Variants in KLF12 observed in about 807,000 individuals in gnomAD.
KLF12 encodes the protein KLF transcription factor 12.
KLF12 carries 9 observed loss-of-function variants against 37.8 expected under a neutral mutation model. The ratio of observed to expected loss-of-function variants is 0.24; its 90% CI spans 0.14 to 0.42. The LOEUF (loss-of-function observed/expected upper bound fraction) is 0.42, where lower values mean the gene tolerates loss of function less well. Ranked by LOEUF, KLF12 falls within the 10% of genes least tolerant of loss-of-function variation. The pLI, the probability that KLF12 is intolerant of heterozygous loss-of-function variation, is 1.00. For synonymous variants in KLF12, 208 were observed against 202.1 expected (o/e 1.03, Z -0.25); for missense variants, 411 against 516.0 (o/e 0.80, Z 1.97).
At chr13:73,797,336 C>G (rs1434952638) in intron 5 of KLF12, among the ~76,000 whole-genome samples, 1 of 152,164 alleles carries the variant, frequency 6.6e-6, no homozygotes, top group East Asian at 1.9e-4. Context: ...CTACATTATT[C>G]AGTTCAAAGG....
intron 2 of KLF12, among the ~76,000 whole-genome samples, chr13:73,965,454 A>G (rs1327330805): frequency 6.6e-6 from 1 of 152,024 alleles, no homozygotes; most frequent in Admixed American, 6.6e-5. Context: ...GCCTCTAATT[A>G]CCTCTGTACA....
At chr13:73,889,202 T>C (rs910183884) in intron 3 of KLF12, among the ~76,000 whole-genome samples, 4 of 152,196 alleles carry the variant, frequency 2.6e-5, no homozygotes, top group Non-Finnish European at 4.4e-5. Context: ...AAGATATATG[T>C]ACATATAAGA....
chr13:73,886,734 G>A (rs555140459), intron 3 of KLF12, among the ~76,000 whole-genome samples: 2 of 152,324 alleles, frequency 1.3e-5, no homozygotes, highest in East Asian at 3.9e-4. Flanking sequence ...GCTCACGCCT[G>A]TAATCCCAGC....
the KLF12 span, among the ~76,000 whole-genome samples, chr13:74,206,528 T>C: frequency 2.6e-5 from 4 of 152,324 alleles, no homozygotes; most frequent in South Asian, 2.1e-4. Context: ...ATTCTCTTTG[T>C]GTTCCCATCC....
intron 3 of KLF12, among the ~76,000 whole-genome samples, chr13:73,931,770 G>A (rs950355606): frequency 6.6e-6 from 1 of 151,156 alleles, no homozygotes; most frequent in African/African-American, 2.4e-5. Context: ...AGAACCAACA[G>A]CCCCTGCACT....
intron 6 of KLF12, among the ~76,000 whole-genome samples, chr13:73,733,369 T>C (rs1031452900): frequency 3.3e-5 from 5 of 152,194 alleles, no homozygotes; most frequent in African/African-American, 1.2e-4. Context: ...TGAATTTGCC[T>C]ACTTTAGGTG....
chr13:73,864,495 C>T (rs924310393), intron 3 of KLF12, among the ~76,000 whole-genome samples: 3 of 152,022 alleles, frequency 2.0e-5, no homozygotes, highest in Non-Finnish European at 4.4e-5. Context: ...ACAATTATAT[C>T]AGATTGTAAA....
chr13:73,977,216 T>C (rs1037395566), intron 2 of KLF12, among the ~76,000 whole-genome samples: 1 of 152,080 alleles, frequency 6.6e-6, no homozygotes, highest in African/African-American at 2.4e-5. Context: ...CTAGCTTTTG[T>C]ATTTTTTTTG....
intron 2 of KLF12, among the ~76,000 whole-genome samples, chr13:73,963,701 T>A (rs1891092659): frequency 1.3e-5 from 2 of 152,236 alleles, no homozygotes; most frequent in South Asian, 4.1e-4. Context: ...GATAAATCTT[T>A]CATTTTCAAT....
intron 3 of KLF12, among the ~76,000 whole-genome samples, chr13:73,869,416 G>T (rs1040647375): frequency 1.3e-5 from 2 of 152,052 alleles, no homozygotes; most frequent in African/African-American, 2.4e-5. Context: ...AAGTTTATAT[G>T]ATTGTTAGTA....
At chr13:73,986,727 G>C (rs1371291287) in intron 2 of KLF12, among the ~76,000 whole-genome samples, 1 of 152,120 alleles carries the variant, frequency 6.6e-6, no homozygotes, top group African/African-American at 2.4e-5. Context: ...AGGTAGAAGG[G>C]GAGAACCAGA....
intron 1 of KLF12, among the ~76,000 whole-genome samples, chr13:74,038,065 G>C (rs1893304716): frequency 6.6e-6 from 1 of 152,188 alleles, no homozygotes; most frequent in African/African-American, 2.4e-5. Context: ...GCCTAGAACT[G>C]ATACAAAGGA....
the KLF12 span, among the ~76,000 whole-genome samples, chr13:74,264,526 C>T: frequency 6.6e-6 from 1 of 152,132 alleles, no homozygotes; most frequent in African/African-American, 2.4e-5. Context: ...ATTTGAAGGA[C>T]TTGAAATAGC....
chr13:74,213,478 G>T, the KLF12 span, among the ~76,000 whole-genome samples: 1 of 151,958 alleles, frequency 6.6e-6, no homozygotes, highest in African/African-American at 2.4e-5. Context: ...GTATAGAATT[G>T]TATCAATTTT....
chr13:74,224,168 C>T, the KLF12 span, among the ~76,000 whole-genome samples: 8 of 152,092 alleles, frequency 5.3e-5, no homozygotes, highest in Non-Finnish European at 7.4e-5. Flanking sequence ...TTCCAATATA[C>T]GCACTAATGT....
In KLF12 at chr13:74,077,234, C is replaced by T. The variant is rs1874618803; in HGVS notation, c.-32+56505G>A. Among the ~76,000 whole-genome samples, 3 of 152,090 alleles carry T rather than the reference C, an allele frequency of 2.0e-5. 1 individual carries two copies. The highest frequency in any genetic ancestry group is 4.1e-4 in the South Asian group (2 of 4,826). On this transcript the variant is annotated intron_variant, in intron 1 of 7. Transcript: ENST00000377669. ...TGAAAAATTGCCACACTGCTTTCCCCAATGGTTGAACTAATTTACACTCCC... is the reference window on the plus strand; with the variant it reads ...TGAAAAATTGCCACACTGCTTTCCCTAATGGTTGAACTAATTTACACTCCC...
chr13:74,195,028 G>T, the KLF12 span, among the ~76,000 whole-genome samples: 1 of 152,126 alleles, frequency 6.6e-6, no homozygotes, highest in Non-Finnish European at 1.5e-5. Flanking sequence ...AAAAGGCATC[G>T]CGGAAAGCAG....
chr13:74,154,109 C>T, the KLF12 span, among the ~76,000 whole-genome samples: 2 of 151,768 alleles, frequency 1.3e-5, no homozygotes, highest in Non-Finnish European at 2.9e-5. Flanking sequence ...GTGGCACGCA[C>T]CTGTAGTCCC....
the KLF12 span, among the ~76,000 whole-genome samples, chr13:74,190,372 T>A: frequency 9.9e-3 from 1,510 of 152,330 alleles, 26 homozygotes; most frequent in African/African-American, 0.031. Context: ...AAAATACTGC[T>A]TATTTCCCTT....
Sources: allele counts gnomAD v4.1 joint callset (sites outside exome capture counted in the v4.1 genomes callset), GRCh38; gene constraint gnomAD v4.1.1; transcripts MANE v1.5; gene names NCBI Gene and HGNC (gene_info 2026-07-23, HGNC 2026-07-21).